ULK4: variants seen among roughly 807,000 people sequenced by gnomAD.
The protein encoded by ULK4 is inactive serine/threonine-protein kinase ULK4.
ULK4 carries 133 observed loss-of-function variants against 160.6 expected under a neutral mutation model. The ratio of observed to expected loss-of-function variants is 0.83; its 90% CI spans 0.72 to 0.96. The LOEUF (loss-of-function observed/expected upper bound fraction) is 0.96, where lower values mean the gene tolerates loss of function less well. Among genes scored for constraint, ULK4 ranks in the 40% least tolerant of loss-of-function variants. The pLI, the probability that ULK4 is intolerant of heterozygous loss-of-function variation, is 0.00. For synonymous variants in ULK4, 534 were observed against 539.8 expected, an observed-to-expected ratio of 0.99 and a Z score of 0.15; for missense variants, 1,580 against 1,499.5, an observed-to-expected ratio of 1.05 and a Z score of -0.89.
At chr3:41,534,858 GTTAA>G (rs2125944861) in intron 32 of ULK4, among the ~76,000 whole-genome samples, 1 of 152,268 alleles carries the variant, frequency 6.6e-6, no homozygotes, top group East Asian at 1.9e-4. Context: ...TATGAGAAAA[GTTAA>G]TTGACACAGT....
At chr3:41,795,369 T>C (rs2040272604) in intron 20 of ULK4, among the ~76,000 whole-genome samples, 1 of 152,156 alleles carries the variant, frequency 6.6e-6, no homozygotes, top group Admixed American at 6.5e-5. Context: ...CCTATTCCTC[T>C]TTGTCTCCCA....
intron 35 of ULK4, among the ~76,000 whole-genome samples, chr3:41,324,964 TG>T (rs1407170098): frequency 2.0e-5 from 3 of 152,042 alleles, no homozygotes; most frequent in Non-Finnish European, 1.5e-5. Flanking sequence ...TAAAAACAAA[TG>T]ACCATGACCG....
At chr3:41,435,004 T>C (rs1047506912) in intron 34 of ULK4, among the ~76,000 whole-genome samples, 2 of 152,184 alleles carry the variant, frequency 1.3e-5, no homozygotes, top group Admixed American at 1.3e-4. Context: ...AGCTTTGTGG[T>C]TTCATTTACA....
rs553520052 is a variant in ULK4, at chr3:41,521,668, G to A, written c.3226+44357C>T. Among the ~76,000 whole-genome samples, 88 of 152,164 alleles carry A rather than the reference G, an allele frequency of 5.8e-4. 2 individuals are homozygous for A. The South Asian group carries it at 0.017, about 30-fold the overall frequency. ...AATCATTCTCAAGATCTGCTTACATGGTCCCATGTGAAGATCACTCAGCTG... is the reference window on the plus strand; with the variant it reads ...AATCATTCTCAAGATCTGCTTACATAGTCCCATGTGAAGATCACTCAGCTG... On this transcript the variant is annotated intron_variant, in intron 32 of 36. Coordinates refer to ENST00000301831, the MANE Select transcript of ULK4 (RefSeq NM_017886.4).
intron 35 of ULK4, among the ~76,000 whole-genome samples, chr3:41,391,059 T>G (rs957080933): frequency 5.3e-5 from 8 of 152,192 alleles, no homozygotes; most frequent in Non-Finnish European, 8.8e-5. Flanking sequence ...AATGTTTATC[T>G]TTCTGTGCCT....
intron 35 of ULK4, among the ~76,000 whole-genome samples, chr3:41,389,343 C>G (rs545116209): frequency 3.3e-5 from 5 of 152,236 alleles, no homozygotes; most frequent in Non-Finnish European, 5.9e-5. Context: ...TTCCTGTTTT[C>G]CTAATTGAAT....
At chr3:41,678,499 A>C (rs959460537) in intron 29 of ULK4, among the ~76,000 whole-genome samples, 11 of 152,198 alleles carry the variant, frequency 7.2e-5, no homozygotes, top group Non-Finnish European at 1.6e-4. Context: ...AACAAAGCAG[A>C]GTAGATGTAG....
At chr3:41,603,219 G>T (rs1049370055) in intron 31 of ULK4, among the ~76,000 whole-genome samples, 1 of 151,656 alleles carries the variant, frequency 6.6e-6, no homozygotes, top group Non-Finnish European at 1.5e-5. Context: ...GAAATTAACA[G>T]GAACATAAAG....
At chr3:41,788,026 T>C (rs1575709121) in intron 21 of ULK4, among the ~76,000 whole-genome samples, 1 of 152,300 alleles carries the variant, frequency 6.6e-6, no homozygotes, top group East Asian at 1.9e-4. Flanking sequence ...CAAGTATTAC[T>C]TTTTCTAATA....
intron 35 of ULK4, among the ~76,000 whole-genome samples, chr3:41,301,881 A>C (rs141517892): frequency 4.6e-5 from 7 of 152,340 alleles, no homozygotes; most frequent in Non-Finnish European, 7.3e-5. Context: ...GTTGCAAAAC[A>C]ATCTTGGCTT....
intron 31 of ULK4, among the ~76,000 whole-genome samples, chr3:41,614,964 G>C (rs2032888440): frequency 6.6e-6 from 1 of 152,114 alleles, no homozygotes; most frequent in Non-Finnish European, 1.5e-5. Context: ...TAGGAAAAGA[G>C]AATAACATAC....
rs567469035 is a variant in ULK4 at position 41,960,716 on chromosome 3, ATTCT to A, written c.-49+1296_-49+1299del. 3.9e-5 allele frequency among the ~76,000 whole-genome samples: 6 copies of A among 152,268 alleles called. No homozygotes were observed. The South Asian group carries it at 1.0e-3, about 26-fold the overall frequency. ...ATAGTTGAAATTCCATGACTTTAAG[ATTCT>A]TTGACTCAGTCCAAACACGTTCCCC... On this transcript the variant is annotated intron_variant, in intron 1 of 36. Coordinates refer to ENST00000301831, the MANE Select transcript of ULK4 (RefSeq NM_017886.4).
chr3:41,562,549 A>G (rs1257963093), intron 32 of ULK4, among the ~76,000 whole-genome samples: 2 of 152,184 alleles, frequency 1.3e-5, no homozygotes, highest in Non-Finnish European at 2.9e-5. Context: ...GTGATACTGT[A>G]TTAGGTGCAT....
intron 22 of ULK4, among the ~76,000 whole-genome samples, chr3:41,719,297 A>C (rs530427953): frequency 6.6e-6 from 1 of 152,128 alleles, no homozygotes; most frequent in Non-Finnish European, 1.5e-5. Context: ...AGGCTATCTC[A>C]TTCCTACCAA....
At chr3:41,838,712 T>C (rs1038698393) in intron 17 of ULK4, among the ~76,000 whole-genome samples, 7 of 152,190 alleles carry the variant, frequency 4.6e-5, no homozygotes, top group African/African-American at 9.7e-5. Context: ...TAAATGTGTA[T>C]CACTCAACAA....
chr3:41,262,008 G>A (rs1490509009), intron 35 of ULK4, among the ~76,000 whole-genome samples: 3 of 152,314 alleles, frequency 2.0e-5, no homozygotes, highest in Middle Eastern at 6.8e-3. Flanking sequence ...TTAGAGACAG[G>A]GTGAGGCGGT....
intron 34 of ULK4, among the ~76,000 whole-genome samples, chr3:41,425,566 G>T (rs984720329): frequency 1.3e-5 from 2 of 152,142 alleles, no homozygotes. Flanking sequence ...CCTACAAAGG[G>T]AAGCCCATCA....
At chr3:41,259,636 A>C (rs1469998455) in intron 35 of ULK4, among the ~76,000 whole-genome samples, 1 of 152,200 alleles carries the variant, frequency 6.6e-6, no homozygotes, top group South Asian at 2.1e-4. Flanking sequence ...TCACAGCATC[A>C]TCCTCCTCCT....
chr3:41,814,670 T>C (rs184818721), intron 19 of ULK4, among the ~76,000 whole-genome samples: 110 of 152,276 alleles, frequency 7.2e-4, no homozygotes, highest in African/African-American at 2.6e-3. Context: ...ATTAGATACA[T>C]TAAAATTTTA....
Sources: gnomAD v4.1 joint callset for allele counts (sites outside exome capture counted in the v4.1 genomes callset) on GRCh38, gnomAD v4.1.1 for gene constraint, MANE v1.5 for transcripts, NCBI Gene and HGNC (gene_info 2026-07-23, HGNC 2026-07-21) for gene names.